HECW1: variants seen among roughly 807,000 people sequenced by gnomAD.
HECW1 encodes the protein HECT, C2 and WW domain containing E3 ubiquitin protein ligase 1, also known as E3 ubiquitin-protein ligase HECW1.
A neutral mutation model predicts 182.3 loss-of-function variants in HECW1; 61 were observed. The ratio of observed to expected loss-of-function variants is 0.33; its 90% CI spans 0.27 to 0.41. HECW1 has a LOEUF of 0.41. Among genes scored for constraint, HECW1 ranks in the 10% least tolerant of loss-of-function variants. HECW1 has a pLI of 1.00. For synonymous variants in HECW1, 859 were observed against 832.6 expected, an observed-to-expected ratio of 1.03 and a Z score of -0.55; for missense variants, 1,739 against 2,108.9, an observed-to-expected ratio of 0.82 and a Z score of 3.44.
chr7:43,196,016 T>C lies in HECW1; in HGVS notation c.-31-47859T>C, dbSNP rs888448218. ...GCACCACGTTGGGTCCAGTCGGTCT[T>C]AGCCAGCTTGGTCCACACCCTGGTT... On this transcript the variant is annotated intron_variant, in intron 2 of 29. Transcript: ENST00000395891. Among the ~76,000 whole-genome samples, 14 of 152,220 alleles carry C rather than the reference T, an allele frequency of 9.2e-5. No homozygotes were observed. In the South Asian group the frequency reaches 1.0e-3, roughly 11 times the overall value.
intron 2 of HECW1, chr7:43,122,060 A>G (rs148461961): frequency 6.6e-6 from 1 of 152,190 alleles, no homozygotes; most frequent in Non-Finnish European, 1.5e-5. Flanking sequence ...ACAAGGACAG[A>G]TTTTTATTTG....
At chr7:43,376,458 T>C (rs1192035109) in intron 6 of HECW1, among the ~76,000 whole-genome samples, 12 of 152,180 alleles carry the variant, frequency 7.9e-5, no homozygotes, top group Non-Finnish European at 4.4e-5. Flanking sequence ...TGCCCTTTAC[T>C]CAGTAGGTGC....
At chr7:43,424,061 A>ATGG (rs1180496239) in intron 8 of HECW1, among the ~76,000 whole-genome samples, 5 of 152,184 alleles carry the variant, frequency 3.3e-5, no homozygotes, top group Non-Finnish European at 7.3e-5. Context: ...AATTTCAGAG[A>ATGG]TGGTAGCAGT....
chr7:43,330,963 T>TTTTATTTA lies in HECW1; in HGVS notation c.460+10241_460+10248dup, dbSNP rs59715518. Among the ~76,000 whole-genome samples the TTTTATTTA allele has an allele frequency of 1.3e-3, 201 of 151,914 alleles. 1 individual carries two copies. Among genetic ancestry groups the TTTTATTTA allele is most frequent in the Middle Eastern group, 6.8e-3 (2 of 294 alleles). ...TGAGGAATAAAATCAAAGGGAAGTC[T>TTTTATTTA]TTTATTTATTTATTTATTTATTTAT... On this transcript the variant is annotated intron_variant, in intron 5 of 29. Transcript: ENST00000395891.
intron 3 of HECW1, among the ~76,000 whole-genome samples, chr7:43,289,905 T>C (rs1805174559): frequency 6.6e-6 from 1 of 152,216 alleles, no homozygotes; most frequent in South Asian, 2.1e-4. Context: ...TTAGGGATTC[T>C]TTAGTTGACA....
intron 24 of HECW1, among the ~76,000 whole-genome samples, chr7:43,525,020 T>C (rs991454820): frequency 1.3e-5 from 2 of 152,172 alleles, no homozygotes; most frequent in African/African-American, 4.8e-5. Context: ...TAATATAAAA[T>C]AGGGATTAAA....
chr7:43,179,580 T>TGTTGTTGTC (rs1554299849), intron 2 of HECW1, among the ~76,000 whole-genome samples: 4 of 152,090 alleles, frequency 2.6e-5, no homozygotes, highest in African/African-American at 4.8e-5. Flanking sequence ...TTGTTGTTGT[T>TGTTGTTGTC]GTCGTTTTTG....
At chr7:43,391,994 C>G (rs1039955545) in intron 6 of HECW1, among the ~76,000 whole-genome samples, 5 of 152,170 alleles carry the variant, frequency 3.3e-5, no homozygotes, top group African/African-American at 9.7e-5. Flanking sequence ...ATCCCTAGAT[C>G]TCTGATGCAA....
intron 3 of HECW1, among the ~76,000 whole-genome samples, chr7:43,276,271 T>G (rs956779663): frequency 4.3e-4 from 65 of 152,168 alleles, no homozygotes; most frequent in Non-Finnish European, 7.3e-5. Context: ...CCAGGGACAT[T>G]GATTTCCATG....
Position 43,206,703 on chromosome 7 carries a change from G to A in HECW1, c.-31-37172G>A, listed in dbSNP as rs1583968822. 3.3e-5 allele frequency among the ~76,000 whole-genome samples: 5 copies of A among 152,156 alleles called. No individual in the cohort carries two copies. The South Asian group carries it at 1.0e-3, about 32-fold the overall frequency. On this transcript the variant is annotated intron_variant, in intron 2 of 29. Coordinates refer to ENST00000395891, the MANE Select transcript of HECW1 (RefSeq NM_015052.5). Reference sequence around the variant, plus strand: ...TTTCCTTCTTTTTGTAAACTTCCAAGTCTGGTCATTTATCATTATTTTTAC... The same window carrying A: ...TTTCCTTCTTTTTGTAAACTTCCAAATCTGGTCATTTATCATTATTTTTAC...
At chr7:43,147,919 TA>T (rs1330199662) in intron 2 of HECW1, among the ~76,000 whole-genome samples, 4 of 152,232 alleles carry the variant, frequency 2.6e-5, no homozygotes, top group Non-Finnish European at 5.9e-5. Flanking sequence ...AGGTGTATAA[TA>T]AAAACTTAGT....
chr7:43,441,910 C>T (rs567661262), intron 9 of HECW1, among the ~76,000 whole-genome samples: 1 of 152,372 alleles, frequency 6.6e-6, no homozygotes, highest in South Asian at 2.1e-4. Context: ...CCTACCCCTG[C>T]TTTAGAATAC....
At chr7:43,269,086 C>CTTG (rs1562761680) in intron 3 of HECW1, among the ~76,000 whole-genome samples, 1 of 152,184 alleles carries the variant, frequency 6.6e-6, no homozygotes, top group Non-Finnish European at 1.5e-5. Context: ...TCCTCTCCCT[C>CTTG]ACCACTGAAA....
intron 8 of HECW1, among the ~76,000 whole-genome samples, chr7:43,421,176 C>G (rs1012184144): frequency 2.6e-5 from 4 of 152,154 alleles, no homozygotes; most frequent in African/African-American, 9.7e-5. Flanking sequence ...AGTGCTGCTG[C>G]TGTATGTTAT....
intron 2 of HECW1, among the ~76,000 whole-genome samples, chr7:43,229,578 A>T (rs1470137768): frequency 6.6e-6 from 1 of 152,092 alleles, no homozygotes; most frequent in East Asian, 1.9e-4. Context: ...CCCCTGTGAC[A>T]CAAGTTTGCC....
chr7:43,240,267 G>T (rs1253196389), intron 2 of HECW1, among the ~76,000 whole-genome samples: 1 of 152,126 alleles, frequency 6.6e-6, no homozygotes, highest in Non-Finnish European at 1.5e-5. Flanking sequence ...GAACCCGGGA[G>T]GCGGAGCTTG....
At chr7:43,488,766 C>T (rs557071910) in intron 17 of HECW1, among the ~76,000 whole-genome samples, 1 of 152,324 alleles carries the variant, frequency 6.6e-6, no homozygotes, top group East Asian at 1.9e-4. Context: ...TCCTCCTGTT[C>T]TCCAGGCTCT....
In HECW1 at chr7:43,432,240, C is replaced by T. The variant is rs368606583; in HGVS notation, c.802-5763C>T. ...CTGCAAGCTCCGCCTCCCGGGTTCA[C>T]GCCATTCTCCTGCCTCAGCCTCCCA... On this transcript the variant is annotated intron_variant, in intron 8 of 29. Transcript: ENST00000395891. The surrounding 1 kb of genome is among the most constrained non-coding windows in gnomAD (Gnocchi z 4.1). 2.1e-4 allele frequency among the ~76,000 whole-genome samples: 32 copies of T among 149,658 alleles called. No individual in the cohort carries two copies. Among genetic ancestry groups the T allele is most frequent in the South Asian group, 1.1e-3 (5 of 4,726 alleles).
chr7:43,448,628 CTG>C (rs2152882249), intron 11 of HECW1, among the ~76,000 whole-genome samples: 1 of 152,332 alleles, frequency 6.6e-6, no homozygotes, highest in Admixed American at 6.5e-5. Flanking sequence ...GTGAGGGTAA[CTG>C]TTTATATTAT....
Sources: allele counts gnomAD v4.1 joint callset (sites outside exome capture counted in the v4.1 genomes callset), GRCh38; gene constraint gnomAD v4.1.1; non-coding constraint Gnocchi (gnomAD v3.1); transcripts MANE v1.5; gene names NCBI Gene and HGNC (gene_info 2026-07-23, HGNC 2026-07-21).